The following PREP variants were observed in gnomAD, a reference collection of about 807,000 sequenced individuals.
PREP encodes the protein dJ355L5.1 (prolyl endopeptidase).
Under a neutral mutation model 87.6 loss-of-function variants are expected in PREP, and 29 were observed. The observed-to-expected ratio is 0.33, with a 90% CI of 0.25 to 0.45. The LOEUF (loss-of-function observed/expected upper bound fraction) is 0.45, where lower values mean the gene tolerates loss of function less well. Among genes scored for constraint, PREP ranks in the 20% least tolerant of loss-of-function variants. The probability of loss-of-function intolerance (pLI) is 1.00; values close to 1 mark genes in which losing one functional copy is unlikely to be tolerated. For missense variants in PREP, 695 were observed against 886.5 expected, an observed-to-expected ratio of 0.78 and a Z score of 2.74; for synonymous variants, 337 against 328.6, an observed-to-expected ratio of 1.03 and a Z score of -0.28.
chr6:105,277,940 G>A lies in PREP; in HGVS notation c.*204C>T. On this transcript the variant is annotated 3_prime_UTR_variant, in exon 15 of 15. Transcript: ENST00000652536. ...CAAAAAACCACATGTGCCTAGACAG[G>A]GTGGAAAAAGAAACACCAAGGCCTT... is the stretch of plus-strand genomic sequence containing the variant. 1.4e-6 allele frequency: 1 copy of A among 723,976 alleles called. No individual in the cohort carries two copies. Among genetic ancestry groups the A allele is most frequent in the Admixed American group, 2.8e-5 (1 of 35,888 alleles). 44.8% of individuals were successfully genotyped at this position (723,976 alleles called of 1,614,324 possible).
At chr6:105,338,975 G>A (rs1252854092) in intron 7 of PREP, among the ~76,000 whole-genome samples, 3 of 152,266 alleles carry the variant, frequency 2.0e-5, no homozygotes, top group Non-Finnish European at 4.4e-5. Context: ...TAGCCGAACA[G>A]AAGGCAGCAG....
chr6:105,303,796 C>G (rs903820076), intron 10 of PREP, among the ~76,000 whole-genome samples: 2 of 152,214 alleles, frequency 1.3e-5, no homozygotes, highest in Non-Finnish European at 2.9e-5. Flanking sequence ...AACCTAGTGA[C>G]AGAACCTTGC....
At chr6:105,348,117 T>C (rs1210440045) in intron 7 of PREP, among the ~76,000 whole-genome samples, 1 of 152,206 alleles carries the variant, frequency 6.6e-6, no homozygotes, top group East Asian at 1.9e-4. Context: ...GTGTCTTTAA[T>C]GTTACCTTGA....
At chr6:105,369,128 G>T in intron 5 of PREP, 104 bp from the exon 6 acceptor site, 1 of 1,206,326 alleles carries the variant, frequency 8.3e-7, no homozygotes, top group East Asian at 2.4e-5. Context: ...GTAGCTGGCT[G>T]CAGGATACAA....
intron 2 of PREP, among the ~76,000 whole-genome samples, chr6:105,384,235 T>C (rs36001312): frequency 0.1 from 15,803 of 152,028 alleles, 1,035 homozygotes; most frequent in African/African-American, 0.17. Context: ...CTGGCATGAC[T>C]CACCCATCAG....
At chr6:105,322,599 C>T (rs1442163120) in intron 10 of PREP, 1 of 986,882 alleles carries the variant, frequency 1.0e-6, no homozygotes, top group Non-Finnish European at 1.2e-6. Flanking sequence ...ATATTTCAGG[C>T]CTTCTGGGAC....
At chr6:105,360,403 T>C (rs1462468176) in intron 6 of PREP, among the ~76,000 whole-genome samples, 1 of 152,212 alleles carries the variant, frequency 6.6e-6, no homozygotes, top group Non-Finnish European at 1.5e-5. Context: ...TTTTTAAGTC[T>C]TGGCTTCTAC....
chr6:105,364,669 T>G (rs1320194138), intron 6 of PREP, among the ~76,000 whole-genome samples: 2 of 152,180 alleles, frequency 1.3e-5, no homozygotes, highest in Non-Finnish European at 2.9e-5. Flanking sequence ...GATGCTGTGA[T>G]AAATCCTCCG....
chr6:105,278,273 G>A lies in PREP; in HGVS notation c.2004C>T (p.Asn668=), dbSNP rs34687658. 1,470 of 1,614,246 alleles carry A rather than the reference G, an allele frequency of 9.1e-4. 10 individuals are homozygous for A. The African/African-American group carries it at 0.017, about 19-fold the overall frequency. ...TGGTGTCCACGTGGATAAGCAGGGG[G>A]TTGCTTTGCTTCCTGCTGCGGCCCA... ...YIVGRSRKQS[N]PLLIHVDTKA... The change falls in exon 15 of 15, where the codon AAC becomes AAT. Residue 668 remains asparagine, a synonymous_variant. Transcript: ENST00000652536. The surrounding 1 kb of genome is among the most constrained non-coding windows in gnomAD (Gnocchi z 4.2).
rs749307832 is a variant in PREP, at chr6:105,278,457, T to C, written c.1839-19A>G. ...AGAGTATCTGGAAGGCAAAAACACC[T>C]TTGTGAGGCTGGAGAGCAACAGTAG... On this transcript the variant is annotated intron_variant, in intron 14 of 14. Coordinates refer to ENST00000652536, the MANE Select transcript of PREP (RefSeq NM_002726.5). The surrounding 1 kb of genome is among the most constrained non-coding windows in gnomAD (Gnocchi z 4.2). 1.9e-6 allele frequency: 3 copies of C among 1,597,540 alleles called. No individual in the cohort carries two copies. Among genetic ancestry groups the C allele is most frequent in the Non-Finnish European group, 2.6e-6 (3 of 1,168,170 alleles).
intron 2 of PREP, among the ~76,000 whole-genome samples, chr6:105,383,020 T>C (rs1772887827): frequency 6.6e-6 from 1 of 152,000 alleles, no homozygotes; most frequent in Non-Finnish European, 1.5e-5. Flanking sequence ...AATTTGGAAT[T>C]TGGAAATGAC....
intron 14 of PREP, among the ~76,000 whole-genome samples, chr6:105,279,625 C>T (rs771163210): frequency 2.6e-4 from 40 of 152,192 alleles, no homozygotes; most frequent in Non-Finnish European, 4.9e-4. Context: ...CCATGAGGCA[C>T]AGCCCAGGGG....
chr6:105,290,183 TTTAAAG>T (rs1232461914), intron 10 of PREP, among the ~76,000 whole-genome samples: 1 of 152,150 alleles, frequency 6.6e-6, no homozygotes, highest in Non-Finnish European at 1.5e-5. Flanking sequence ...TACAGTTTTA[TTTAAAG>T]TTATTTAGTG....
Position 105,274,495 on chromosome 6 carries a change from G to A in PREP, c.*3649C>T, listed in dbSNP as rs75366480. The stretch of plus-strand genomic sequence containing the variant: ...AAGAGAGCTGTTTCGGCTGGGCATG[G>A]TGGCTCATGCCTGTAATCCCAGCAT... On this transcript the variant is annotated 3_prime_UTR_variant, in exon 15 of 15. Coordinates refer to ENST00000652536, the MANE Select transcript of PREP (RefSeq NM_002726.5). 1.3e-5 allele frequency among the ~76,000 whole-genome samples: 2 copies of A among 152,104 alleles called. No homozygotes were observed. The highest frequency in any genetic ancestry group is 1.3e-4 in the Admixed American group (2 of 15,284).
At chr6:105,381,404 G>C (rs146607296) in intron 2 of PREP, among the ~76,000 whole-genome samples, 1 of 151,750 alleles carries the variant, frequency 6.6e-6, no homozygotes, top group East Asian at 1.9e-4. Context: ...ATATCATCTT[G>C]GTTGATCTAA....
At chr6:105,366,129 C>A (rs977439507) in intron 6 of PREP, among the ~76,000 whole-genome samples, 2 of 152,048 alleles carry the variant, frequency 1.3e-5, no homozygotes, top group African/African-American at 4.8e-5. Flanking sequence ...GTGGTCCATG[C>A]CTGTGTAATC....
At chr6:105,323,537 C>T (rs112432372) in intron 10 of PREP, 128 bp downstream of exon 10, 34 of 841,912 alleles carry the variant, frequency 4.0e-5, no homozygotes, top group Admixed American at 1.2e-4. Context: ...GACCGTCAAC[C>T]GTGGGGGCTA....
At chr6:105,327,584 CA>C (rs1176747133) in intron 9 of PREP, among the ~76,000 whole-genome samples, 2 of 152,094 alleles carry the variant, frequency 1.3e-5, no homozygotes, top group African/African-American at 4.8e-5. Flanking sequence ...CTCAGAGGCT[CA>C]AAATAACAGT....
intron 10 of PREP, among the ~76,000 whole-genome samples, chr6:105,321,096 G>A (rs1770993064): frequency 6.6e-6 from 1 of 152,114 alleles, no homozygotes; most frequent in Non-Finnish European, 1.5e-5. Flanking sequence ...TTTACACAAC[G>A]AAAGAATTCT....
Sources: gnomAD v4.1 joint callset for allele counts (sites outside exome capture counted in the v4.1 genomes callset) on GRCh38, gnomAD v4.1.1 for gene constraint, Gnocchi (gnomAD v3.1) non-coding constraint, MANE v1.5 for transcripts, NCBI Gene and HGNC (gene_info 2026-07-23, HGNC 2026-07-21) for gene names.